TJP2: variants seen among roughly 807,000 people sequenced by gnomAD.
TJP2 encodes the protein tight junction protein 2, also known as Friedreich ataxia region gene X104 (tight junction protein ZO-2).
Under a neutral mutation model 133.1 loss-of-function variants are expected in TJP2, and 91 were observed. The observed-to-expected ratio is 0.68, with a 90% CI of 0.58 to 0.81. The LOEUF is 0.81. Ranked by LOEUF, TJP2 falls within the 40% of genes least tolerant of loss-of-function variation. The pLI, the probability that TJP2 is intolerant of heterozygous loss-of-function variation, is 0.00. For synonymous variants in TJP2, 592 were observed against 583.4 expected, an observed-to-expected ratio of 1.01 and a Z score of -0.21; for missense variants, 1,541 against 1,565.6, an observed-to-expected ratio of 0.98 and a Z score of 0.26.
At chr9:69,175,973 G>A (rs1359892286) in intron 1 of TJP2, among the ~76,000 whole-genome samples, 4 of 152,142 alleles carry the variant, frequency 2.6e-5, no homozygotes, top group Non-Finnish European at 4.4e-5. Context: ...TCACTGTGGG[G>A]GATACAAAGA....
At chr9:69,133,546 C>CTT (rs10577570) in intron 1 of TJP2, among the ~76,000 whole-genome samples, 2,972 of 104,462 alleles carry the variant, frequency 0.028, 129 homozygotes, top group African/African-American at 0.059. Flanking sequence ...ATTTTTCTGG[C>CTT]TTTTTTTTTT....
intron 5 of TJP2, among the ~76,000 whole-genome samples, chr9:69,223,986 G>A (rs929442487): frequency 6.6e-6 from 1 of 152,194 alleles, no homozygotes; most frequent in Non-Finnish European, 1.5e-5. Context: ...TTTAAAACCT[G>A]CTCTGTTGTG....
At chr9:69,161,622 C>G (rs1824078338) in intron 2 of TJP2, among the ~76,000 whole-genome samples, 1 of 152,038 alleles carries the variant, frequency 6.6e-6, no homozygotes, top group African/African-American at 2.4e-5. Flanking sequence ...TTAGGAATGA[C>G]ATAGCTGTCA....
In TJP2 at chr9:69,163,037, T is replaced by A. The variant is rs1330322127; in HGVS notation, c.-10+11266T>A. On this transcript the variant is annotated intron_variant, in intron 2 of 5. Coordinates refer to the TJP2 transcript ENST00000423935. ...GTATCTTTATTTTATTTTATTTTTT[T>A]TTTTTTGAGACGGAGTCTCGCTCTG... Among the ~76,000 whole-genome samples the A allele has an allele frequency of 1.9e-4, 8 of 42,460 alleles. 4 individuals are homozygous for A. In the East Asian group the frequency reaches 5.5e-3, roughly 29 times the overall value. The allele number at this position is 42,460 out of a possible 152,430, so 27.9% of individuals were successfully genotyped here. A position where few individuals can be genotyped will look rare whatever the true frequency, so the allele number is the denominator to read the frequency against.
chr9:69,160,253 A>AAAAAAC (rs1017277255), intron 2 of TJP2, among the ~76,000 whole-genome samples: 2 of 152,220 alleles, frequency 1.3e-5, no homozygotes, highest in Non-Finnish European at 2.9e-5. Context: ...AGAGCTCAGC[A>AAAAAAC]AAAAACAAAA....
chr9:69,222,019 G>A (rs890711919), intron 5 of TJP2, among the ~76,000 whole-genome samples: 1 of 151,408 alleles, frequency 6.6e-6, no homozygotes, highest in Non-Finnish European at 1.5e-5. Flanking sequence ...TCACAGGCGT[G>A]CACCACCATG....
chr9:69,228,071 C>T lies in TJP2; in HGVS notation c.1410C>T (p.Val470=). 5 of 1,613,530 alleles carry T rather than the reference C, an allele frequency of 3.1e-6. No homozygotes were observed. The South Asian group carries it at 5.5e-5, about 18-fold the overall frequency. The part of the protein sequence containing the change: ...KSTGDIAGTV[V]PETNKEPRYQ... The stretch of plus-strand genomic sequence containing the variant: ...CAGGGGATATTGCAGGCACAGTTGT[C>T]CCAGAGACCAACAAGGAACCCAGAT... The change falls in exon 9 of 23, where the codon GTC becomes GTT. Residue 470 remains valine (V), a synonymous_variant. Transcript: ENST00000377245.
chr9:69,129,665 G>A (rs1381691461), intron 1 of TJP2, among the ~76,000 whole-genome samples: 1 of 152,032 alleles, frequency 6.6e-6, no homozygotes, highest in African/African-American at 2.4e-5. Flanking sequence ...GGCTGGGTGC[G>A]ATGTCTCACG....
chr9:69,219,578 C>A (rs1259325870), intron 4 of TJP2, among the ~76,000 whole-genome samples: 2 of 152,108 alleles, frequency 1.3e-5, no homozygotes, highest in African/African-American at 2.4e-5. Flanking sequence ...AAAATCCAGT[C>A]CATATCTCAA....
chr9:69,212,199 A>G (rs1213639234), intron 1 of TJP2, among the ~76,000 whole-genome samples: 1 of 152,210 alleles, frequency 6.6e-6, no homozygotes, highest in East Asian at 1.9e-4. Flanking sequence ...GAGGGGGAGA[A>G]TGATTTTAAA....
Position 69,252,844 on chromosome 9 carries a change from C to T in TJP2, c.3351C>T (p.Ile1117=), listed in dbSNP as rs1831439117. 9 of 1,614,176 alleles carry T rather than the reference C, an allele frequency of 5.6e-6. No individual in the cohort carries two copies. The highest frequency in any genetic ancestry group is 4.0e-5 in the African/African-American group (3 of 75,054). The change falls in exon 22 of 23, where the codon ATC becomes ATT. Residue 1117 remains isoleucine, a synonymous_variant. Transcript: ENST00000377245. ...AAATTGCCCAGAAGCATCCTGATATCTATGCAGTTCCAATCAAAACGCACA... is the reference window on the plus strand; with the variant it reads ...AAATTGCCCAGAAGCATCCTGATATTTATGCAGTTCCAATCAAAACGCACA... ...RIEIAQKHPD[I]YAVPIKTHKP...
chr9:69,179,335 A>G (rs1825320727), intron 1 of TJP2, among the ~76,000 whole-genome samples: 1 of 152,180 alleles, frequency 6.6e-6, no homozygotes, highest in South Asian at 2.1e-4. Flanking sequence ...TTTACACACC[A>G]TTGTATATTG....
rs147163465 is a variant in TJP2, at chr9:69,132,151, T to C, written c.-131+10426T>C. 2.4e-4 allele frequency among the ~76,000 whole-genome samples: 37 copies of C among 152,270 alleles called. 1 individual carries two copies. In the East Asian group the frequency reaches 6.4e-3, roughly 26 times the overall value. On this transcript the variant is annotated intron_variant, in intron 1 of 5. Transcript: ENST00000423935. Reference sequence around the variant, plus strand: ...TATAAGGGACTCACTGCCCCGGGTTTTTACTGGGGGATTGTTACACTGGTG... The same window carrying C: ...TATAAGGGACTCACTGCCCCGGGTTCTTACTGGGGGATTGTTACACTGGTG...
At chr9:69,217,357 G>A (rs1194847601) in intron 3 of TJP2, among the ~76,000 whole-genome samples, 1 of 152,180 alleles carries the variant, frequency 6.6e-6, no homozygotes, top group Non-Finnish European at 1.5e-5. Context: ...GAAGTCTAAA[G>A]TTAACTGTAT....
chr9:69,230,173 A>G lies in TJP2; in HGVS notation c.1612A>G (p.Ile538Val). The G allele has an allele frequency of 1.2e-6, 2 of 1,614,192 alleles. No homozygotes were observed. The highest frequency in any genetic ancestry group is 1.7e-6 in the Non-Finnish European group (2 of 1,180,030). ...GNDVGIFVAG[I>V]QEGTSAEQEG... is the part of the protein sequence containing the mutation. Reference sequence around the variant, plus strand: ...TGATGTCGGGATATTTGTTGCTGGCATTCAAGAAGGGACCTCGGCGGAGCA... The same window carrying G: ...TGATGTCGGGATATTTGTTGCTGGCGTTCAAGAAGGGACCTCGGCGGAGCA... Residue 538 changes from isoleucine (I) to valine (V), a missense_variant, in exon 11 of 23, where the codon ATT becomes GTT. By Grantham distance (29) the Ile-to-Val change is conservative. Transcript: ENST00000377245.
At chr9:69,237,395 G>C (rs942371919) in intron 14 of TJP2, among the ~76,000 whole-genome samples, 4 of 152,184 alleles carry the variant, frequency 2.6e-5, no homozygotes, top group African/African-American at 7.2e-5. Context: ...GCTGGGCACT[G>C]TACCTTATGC....
chr9:69,162,090 T>G (rs1325541641), intron 2 of TJP2, among the ~76,000 whole-genome samples: 3 of 148,306 alleles, frequency 2.0e-5, no homozygotes. Flanking sequence ...AAATTATATT[T>G]TTATAAAATT....
At chr9:69,194,045 G>A (rs1447074978) in intron 1 of TJP2, among the ~76,000 whole-genome samples, 2 of 152,056 alleles carry the variant, frequency 1.3e-5, no homozygotes, top group Non-Finnish European at 2.9e-5. Flanking sequence ...ATAGATTAAC[G>A]GTTTAAAATA....
chr9:69,231,341 A>G (rs570282594), intron 11 of TJP2, among the ~76,000 whole-genome samples: 3 of 152,212 alleles, frequency 2.0e-5, no homozygotes, highest in African/African-American at 7.2e-5. Flanking sequence ...CAAGCAGTCC[A>G]CATGCCTTGG....
Sources: gnomAD v4.1 joint callset for allele counts (sites outside exome capture counted in the v4.1 genomes callset) on GRCh38, gnomAD v4.1.1 for gene constraint, MANE v1.5 for transcripts, NCBI Gene and HGNC (gene_info 2026-07-23, HGNC 2026-07-21) for gene names.